The following CLIC5 variants were observed in gnomAD, a reference collection of about 807,000 sequenced individuals.
The protein encoded by CLIC5 is CLIC family member 5.
CLIC5 carries 20 observed loss-of-function variants against 24.7 expected under a neutral mutation model. The ratio of observed to expected loss-of-function variants is 0.81; its 90% CI spans 0.57 to 1.18. The LOEUF (loss-of-function observed/expected upper bound fraction) is 1.18. Ranked by LOEUF, CLIC5 falls within the 50% of genes most tolerant of loss-of-function variation. The probability of loss-of-function intolerance (pLI) is 0.00; values close to 1 mark genes in which losing one functional copy is unlikely to be tolerated. For synonymous variants in CLIC5, 159 were observed against 135.6 expected (o/e 1.17, Z -1.20); for missense variants, 341 against 326.1 (o/e 1.05, Z -0.35).
At chr6:45,947,153 T>C (rs58769510) in intron 3 of CLIC5, among the ~76,000 whole-genome samples, 3,210 of 152,264 alleles carry the variant, frequency 0.021, 124 homozygotes, top group African/African-American at 0.074. Context: ...TCTGGAAGAA[T>C]GTTCAAGGAC....
At chr6:46,110,642 A>T in the CLIC5 span, among the ~76,000 whole-genome samples, 1 of 152,156 alleles carries the variant, frequency 6.6e-6, no homozygotes, top group African/African-American at 2.4e-5. Flanking sequence ...AGAGGTAGGT[A>T]GGTAGGTAAA....
At chr6:46,047,372 A>G (rs961699796) in intron 1 of CLIC5, among the ~76,000 whole-genome samples, 1 of 152,198 alleles carries the variant, frequency 6.6e-6, no homozygotes, top group Non-Finnish European at 1.5e-5. Flanking sequence ...TGACCCAAAG[A>G]TGGTCATGTC....
At position 45,963,652 on chromosome 6, in the gene CLIC5, T is replaced by TA. The variant is rs572426257; in HGVS notation, c.64-8409dup. ...ATAAACATGCTACTTACCCTAAGCT[T>TA]AAAAAAAAAAAGTAGAAAGGAAAGT... On this transcript the variant is annotated intron_variant, in intron 1 of 5. Transcript: ENST00000339561. Among the ~76,000 whole-genome samples the TA allele has an allele frequency of 2.9e-3, 428 of 145,104 alleles. 4 individuals are homozygous for TA. The highest frequency in any genetic ancestry group is 7.1e-3 in the African/African-American group (284 of 39,768).
chr6:46,018,778 A>G (rs982168731), upstream of CLIC5: 15 of 152,260 alleles, frequency 9.9e-5, no homozygotes, highest in African/African-American at 3.6e-4. Flanking sequence ...TCTAAAATGG[A>G]AACCATACAG....
intron 1 of CLIC5, among the ~76,000 whole-genome samples, chr6:45,986,597 T>A (rs544776294): frequency 6.6e-6 from 1 of 152,114 alleles, no homozygotes; most frequent in African/African-American, 2.4e-5. Flanking sequence ...TTCTTTAAAC[T>A]TTTTTTTCTA....
At chr6:46,068,254 G>A (rs1762497080) in intron 1 of CLIC5, among the ~76,000 whole-genome samples, 2 of 152,132 alleles carry the variant, frequency 1.3e-5, no homozygotes, top group African/African-American at 2.4e-5. Flanking sequence ...CTCAATAACT[G>A]TAAGAGAATA....
chr6:46,053,977 G>A (rs935231066), intron 1 of CLIC5, among the ~76,000 whole-genome samples: 1 of 152,158 alleles, frequency 6.6e-6, no homozygotes, highest in Non-Finnish European at 1.5e-5. Flanking sequence ...ATTTTGACCA[G>A]TGGATCATTC....
intron 1 of CLIC5, among the ~76,000 whole-genome samples, chr6:46,040,733 G>A (rs568775583): frequency 6.6e-6 from 1 of 152,180 alleles, no homozygotes; most frequent in South Asian, 2.1e-4. Flanking sequence ...TGGTGCAGGG[G>A]GCAATGGTGA....
chr6:45,988,017 G>A (rs922277509), intron 1 of CLIC5, among the ~76,000 whole-genome samples: 11 of 152,122 alleles, frequency 7.2e-5, no homozygotes, highest in African/African-American at 2.7e-4. Context: ...TCATTCCAGT[G>A]TCAATTCTAA....
chr6:45,949,279 C>T lies in CLIC5; in HGVS notation c.276G>A (p.Leu92=), dbSNP rs765765068. Residue 92 remains leucine, a synonymous_variant, in exon 3 of 6, where the codon CTG becomes CTA. Transcript: ENST00000339561. ...KTDVNKIEEF[L]EETLTPEKYP... ...ACTTTTCAGGGGTCAAGGTCTCCTC[C>T]AGGAACTCCTCGATCTTATTGACGT... 2.5e-6 allele frequency: 4 copies of T among 1,613,758 alleles called. No homozygotes were observed. The highest frequency in any genetic ancestry group is 3.3e-5 in the Admixed American group (2 of 59,998).
chr6:46,074,429 G>C (rs1247891382), intron 1 of CLIC5, among the ~76,000 whole-genome samples: 1 of 152,186 alleles, frequency 6.6e-6, no homozygotes, highest in Non-Finnish European at 1.5e-5. Flanking sequence ...CCAAATTATA[G>C]TGAATAATTC....
the CLIC5 span, among the ~76,000 whole-genome samples, chr6:46,087,846 G>A: frequency 6.6e-6 from 1 of 152,140 alleles, no homozygotes; most frequent in African/African-American, 2.4e-5. Flanking sequence ...ATTTTGATGA[G>A]TTTCGAAGGA....
the CLIC5 span, among the ~76,000 whole-genome samples, chr6:46,101,911 G>C: frequency 6.6e-6 from 1 of 151,564 alleles, no homozygotes; most frequent in Admixed American, 6.6e-5. Context: ...CACCATTCCT[G>C]GGGGAAAAAA....
rs1034794316 is a variant in CLIC5, at chr6:46,054,440, G to A, written c.540+25263C>T. On this transcript the variant is annotated intron_variant, in intron 1 of 5. Transcript: ENST00000185206. ...CTCCTGTGATCCAAGCTAATCCCTGGGTATAATTTCATTTCTCCAGCTCCT... is the reference window on the plus strand; with the variant it reads ...CTCCTGTGATCCAAGCTAATCCCTGAGTATAATTTCATTTCTCCAGCTCCT... Among the ~76,000 whole-genome samples the A allele has an allele frequency of 5.8e-4, 88 of 152,068 alleles. 1 individual carries two copies. Among genetic ancestry groups the A allele is most frequent in the African/African-American group, 2.1e-3 (86 of 41,448 alleles).
At chr6:46,109,830 T>C in the CLIC5 span, among the ~76,000 whole-genome samples, 11 of 151,720 alleles carry the variant, frequency 7.3e-5, no homozygotes, top group African/African-American at 2.4e-4. Context: ...AAGCTGAGCG[T>C]TGGGAGAAGC....
chr6:45,996,119 C>CT (rs1399146716), intron 1 of CLIC5, among the ~76,000 whole-genome samples: 4 of 133,880 alleles, frequency 3.0e-5, no homozygotes, highest in African/African-American at 1.2e-4. Flanking sequence ...TACCTCAGAA[C>CT]TAAAAAAAAA....
chr6:45,972,756 GC>G (rs2127405491), intron 1 of CLIC5, among the ~76,000 whole-genome samples: 1 of 152,318 alleles, frequency 6.6e-6, no homozygotes, highest in South Asian at 2.1e-4. Flanking sequence ...CAAGATAAAG[GC>G]CTCATACAGC....
At chr6:45,882,515 A>G (rs1412110454) in intron 6 of CLIC5, among the ~76,000 whole-genome samples, 2 of 151,960 alleles carry the variant, frequency 1.3e-5, no homozygotes, top group South Asian at 4.2e-4. Context: ...CTCTTTTCCC[A>G]CTCTGAGGCT....
intron 5 of CLIC5, among the ~76,000 whole-genome samples, chr6:45,904,514 GC>G (rs1762595998): frequency 6.6e-6 from 1 of 151,174 alleles, no homozygotes; most frequent in South Asian, 2.1e-4. Flanking sequence ...TTTAAACAGG[GC>G]CCCCCTGTTT....
Sources: allele counts gnomAD v4.1 joint callset (sites outside exome capture counted in the v4.1 genomes callset), GRCh38; gene constraint gnomAD v4.1.1; transcripts MANE v1.5; gene names NCBI Gene and HGNC (gene_info 2026-07-23, HGNC 2026-07-21).